MDGA2: variants seen among roughly 807,000 people sequenced by gnomAD.
MDGA2 encodes the protein MAM domain-containing glycosylphosphatidylinositol anchor protein 2.
MDGA2 carries 40 observed loss-of-function variants against 117.8 expected under a neutral mutation model. The ratio of observed to expected loss-of-function variants is 0.34; its 90% CI spans 0.26 to 0.44. MDGA2 has a LOEUF of 0.44. Ranked by LOEUF, MDGA2 falls within the 20% of genes least tolerant of loss-of-function variation. The pLI is 1.00. For missense variants in MDGA2, 1,123 were observed against 1,250.6 expected, an observed-to-expected ratio of 0.90 and a Z score of 1.54; for synonymous variants, 452 against 439.0, an observed-to-expected ratio of 1.03 and a Z score of -0.37.
chr14:47,454,279 T>G, intron 1 of MDGA2, among the ~76,000 whole-genome samples: 1 of 152,280 alleles, frequency 6.6e-6, no homozygotes, highest in Admixed American at 6.5e-5. Context: ...GTGACAGACT[T>G]TCTCTTTCCC....
rs1383661999 is a variant in MDGA2 at position 47,349,293 on chromosome 14, A to T, written c.281-47743T>A. ...CCTCTTTTTCGTTTCTTAAATGTTTAACCTGGGCTGAGTCATTCAAAGAGA... is the reference window on the plus strand; with the variant it reads ...CCTCTTTTTCGTTTCTTAAATGTTTTACCTGGGCTGAGTCATTCAAAGAGA... On this transcript the variant is annotated intron_variant, in intron 1 of 16. Transcript: ENST00000399232. 2.6e-5 allele frequency among the ~76,000 whole-genome samples: 4 copies of T among 152,212 alleles called. No individual in the cohort carries two copies. The South Asian group carries it at 8.3e-4, about 31-fold the overall frequency.
intron 1 of MDGA2, among the ~76,000 whole-genome samples, chr14:47,619,252 C>G (rs929221489): frequency 6.6e-6 from 1 of 151,894 alleles, no homozygotes; most frequent in African/African-American, 2.4e-5. Context: ...TAAATAGTAA[C>G]TAATAATTTT....
At chr14:47,260,565 A>G (rs1044046431) in intron 2 of MDGA2, among the ~76,000 whole-genome samples, 1 of 152,136 alleles carries the variant, frequency 6.6e-6, no homozygotes, top group African/African-American at 2.4e-5. Context: ...GTTTAGAAAC[A>G]TCATAGAAAA....
At position 47,333,343 on chromosome 14, in the gene MDGA2, G is replaced by T. The variant is rs10147922; in HGVS notation, c.281-31793C>A. Among the ~76,000 whole-genome samples, 1,155 of 151,886 alleles carry T rather than the reference G, an allele frequency of 7.6e-3. 14 individuals carry two copies. The highest frequency in any genetic ancestry group is 0.026 in the African/African-American group (1,083 of 41,484). ...TTTTTAATAATAGCCAACCTGACTG[G>T]TGTATGATGATTTTTCCACAAACTA... is the stretch of plus-strand genomic sequence containing the variant. On this transcript the variant is annotated intron_variant, in intron 1 of 16. Transcript: ENST00000399232.
chr14:47,472,026 G>A (rs1893738601), intron 1 of MDGA2, among the ~76,000 whole-genome samples: 1 of 152,102 alleles, frequency 6.6e-6, no homozygotes, highest in Non-Finnish European at 1.5e-5. Flanking sequence ...AAACAATAAT[G>A]TGAACTATGT....
chr14:47,483,597 T>C (rs1321713743), intron 1 of MDGA2, among the ~76,000 whole-genome samples: 1 of 152,150 alleles, frequency 6.6e-6, no homozygotes, highest in Non-Finnish European at 1.5e-5. Context: ...AGGTCCACCA[T>C]GTATGTAAAG....
intron 8 of MDGA2, among the ~76,000 whole-genome samples, chr14:46,965,357 C>G (rs1274875725): frequency 6.6e-6 from 1 of 152,172 alleles, no homozygotes; most frequent in Non-Finnish European, 1.5e-5. Context: ...CTGAAAGATT[C>G]AGCCCATTCA....
At chr14:47,321,588 AC>A (rs1889980698) in intron 1 of MDGA2, among the ~76,000 whole-genome samples, 1 of 152,172 alleles carries the variant, frequency 6.6e-6, no homozygotes, top group Non-Finnish European at 1.5e-5. Flanking sequence ...TTTAGTAGGA[AC>A]TATTAAAGCT....
At chr14:47,020,650 A>G (rs1443813129) in intron 8 of MDGA2, among the ~76,000 whole-genome samples, 1 of 152,150 alleles carries the variant, frequency 6.6e-6, no homozygotes, top group Non-Finnish European at 1.5e-5. Flanking sequence ...AAATAATCAT[A>G]TTTTCCCAAG....
Position 47,297,436 on chromosome 14 carries a change from A to C in MDGA2, c.420+3975T>G, listed in dbSNP as rs561912338. 8.6e-4 allele frequency among the ~76,000 whole-genome samples: 108 copies of C among 125,514 alleles called. 1 individual carries two copies. Among genetic ancestry groups the C allele is most frequent in the African/African-American group, 3.0e-3 (101 of 33,864 alleles). The allele number at this position is 125,514 out of a possible 152,430, so 82.3% of individuals were successfully genotyped here. ...AGGGGAGGAGAGGGGAGTGGAGGGGAGTGAAGGGAAGGGAAGGGGAGTGGA... is the reference window on the plus strand; with the variant it reads ...AGGGGAGGAGAGGGGAGTGGAGGGGCGTGAAGGGAAGGGAAGGGGAGTGGA... On this transcript the variant is annotated intron_variant, in intron 2 of 16. Coordinates refer to ENST00000399232, the MANE Select transcript of MDGA2 (RefSeq NM_001113498.3).
At chr14:47,112,901 T>C (rs1385901365) in intron 5 of MDGA2, among the ~76,000 whole-genome samples, 2 of 152,102 alleles carry the variant, frequency 1.3e-5, no homozygotes, top group African/African-American at 2.4e-5. Flanking sequence ...CTCACCAGCA[T>C]TGGTTGTTTC....
chr14:47,520,583 G>A (rs1894849201), intron 1 of MDGA2, among the ~76,000 whole-genome samples: 1 of 152,124 alleles, frequency 6.6e-6, no homozygotes, highest in Admixed American at 6.5e-5. Context: ...CACATCACAA[G>A]TAAGTGTAGT....
At chr14:47,361,248 C>T (rs565974479) in intron 1 of MDGA2, among the ~76,000 whole-genome samples, 13 of 1,808 alleles carry the variant, frequency 7.2e-3, no homozygotes, top group Admixed American at 0.011. Context: ...AATTACAACA[C>T]ACAAATAAAC....
rs796257624 is a variant in MDGA2 at position 47,215,189 on chromosome 14, C to CT, written c.595+2831dup. On this transcript the variant is annotated intron_variant, in intron 3 of 16. Coordinates refer to ENST00000399232, the MANE Select transcript of MDGA2 (RefSeq NM_001113498.3). Reference sequence around the variant, plus strand: ...GGCATGATTTCAGATAAAAACAGTCCTTTTTTTTTAGCATTTCCTAAAATA... The same window carrying CT: ...GGCATGATTTCAGATAAAAACAGTCCTTTTTTTTTTAGCATTTCCTAAAATA... 2.0e-3 allele frequency among the ~76,000 whole-genome samples: 301 copies of CT among 150,556 alleles called. 1 individual carries two copies. The highest frequency in any genetic ancestry group is 3.7e-3 in the African/African-American group (152 of 41,056).
At chr14:47,312,762 T>C (rs2139847299) in intron 1 of MDGA2, among the ~76,000 whole-genome samples, 1 of 138,860 alleles carries the variant, frequency 7.2e-6, no homozygotes, top group African/African-American at 2.7e-5. Flanking sequence ...ACTCCTAGCC[T>C]CATATGATCC....
In MDGA2 at chr14:47,674,990, GCGGCGGCGGCGGCGGCGCGCTGGGC is replaced by G. The variant is rs1898153990; in HGVS notation, c.-219_-195del. 1 of 299,656 alleles carries G rather than the reference GCGGCGGCGGCGGCGGCGCGCTGGGC, an allele frequency of 3.3e-6. No homozygotes were observed. The highest frequency in any genetic ancestry group is 6.1e-6 in the Non-Finnish European group (1 of 163,872). 18.6% of individuals were successfully genotyped at this position (299,656 alleles called of 1,614,324 possible). On this transcript the variant is annotated 5_prime_UTR_variant, in exon 1 of 17. Coordinates refer to ENST00000399232, the MANE Select transcript of MDGA2 (RefSeq NM_001113498.3). ...GAAGCGGGCTCGAGTCTCCGCAGCT[GCGGCGGCGGCGGCGGCGCGCTGGGC>G]CGGCGGCGGGCGCGGGCAGGGGGCC...
At chr14:47,105,006 G>A (rs924984490) in intron 5 of MDGA2, among the ~76,000 whole-genome samples, 12 of 152,204 alleles carry the variant, frequency 7.9e-5, no homozygotes, top group African/African-American at 1.9e-4. Flanking sequence ...CTCCGGCACC[G>A]GTCACGGACT....
chr14:47,383,888 A>G (rs566367483), intron 1 of MDGA2, among the ~76,000 whole-genome samples: 1 of 152,182 alleles, frequency 6.6e-6, no homozygotes, highest in East Asian at 1.9e-4. Context: ...GACGATTTTG[A>G]TCATGCCTGA....
chr14:47,171,633 T>C (rs1383281929), intron 3 of MDGA2, among the ~76,000 whole-genome samples: 1 of 152,210 alleles, frequency 6.6e-6, no homozygotes, highest in Non-Finnish European at 1.5e-5. Flanking sequence ...GCTAGTCTAC[T>C]TTAGAAATTT....
Sources: allele counts gnomAD v4.1 joint callset (sites outside exome capture counted in the v4.1 genomes callset), GRCh38; gene constraint gnomAD v4.1.1; transcripts MANE v1.5; gene names NCBI Gene and HGNC (gene_info 2026-07-23, HGNC 2026-07-21).